Variants in SV2B observed in about 807,000 individuals in gnomAD.
SV2B encodes synaptic vesicle glycoprotein 2B.
In SV2B, 41 loss-of-function variants were observed where a neutral mutation model predicts 73.9. The ratio of observed to expected loss-of-function variants is 0.56; its 90% CI spans 0.43 to 0.72. The LOEUF is 0.72. SV2B is among the 30% of genes least tolerant of loss of function. The pLI, the probability that SV2B is intolerant of heterozygous loss-of-function variation, is 0.00. For synonymous variants in SV2B, 314 were observed against 314.2 expected (o/e 1.00, Z 0.01); for missense variants, 764 against 857.8 (o/e 0.89, Z 1.37).
intron 2 of SV2B, among the ~76,000 whole-genome samples, chr15:91,247,763 C>T (rs1371683710): frequency 6.6e-6 from 1 of 152,138 alleles, no homozygotes; most frequent in Admixed American, 6.5e-5. Context: ...TGAAGCCTCC[C>T]TCTAGCGCCC....
At chr15:91,158,477 A>G (rs17516129) in intron 1 of SV2B, among the ~76,000 whole-genome samples, 25,042 of 151,682 alleles carry the variant, frequency 0.17, 2,673 homozygotes, top group Non-Finnish European at 0.24. Context: ...GGAACAATCC[A>G]GGAAGCGGAG....
intron 2 of SV2B, among the ~76,000 whole-genome samples, chr15:91,243,512 C>T (rs2047106196): frequency 1.3e-5 from 2 of 152,144 alleles, no homozygotes; most frequent in Non-Finnish European, 2.9e-5. Flanking sequence ...AGTCAGAAAC[C>T]TCACTGTTGT....
chr15:91,167,055 C>T (rs551530331), intron 1 of SV2B, among the ~76,000 whole-genome samples: 74 of 152,222 alleles, frequency 4.9e-4, no homozygotes, highest in South Asian at 4.8e-3. Context: ...CCTCGTGATC[C>T]GCCTGCCTTG....
At chr15:91,263,484 A>G (rs1374138444) in intron 6 of SV2B, among the ~76,000 whole-genome samples, 7 of 152,094 alleles carry the variant, frequency 4.6e-5, no homozygotes. Context: ...AGGGACACAC[A>G]CACACAGATA....
intron 1 of SV2B, among the ~76,000 whole-genome samples, chr15:91,135,427 T>C (rs1567280178): frequency 6.6e-6 from 1 of 152,158 alleles, no homozygotes; most frequent in Non-Finnish European, 1.5e-5. Flanking sequence ...ACCTACATGG[T>C]GGTGAGGGGA....
intron 1 of SV2B, among the ~76,000 whole-genome samples, chr15:91,179,194 T>C (rs929668961): frequency 1.8e-4 from 27 of 152,288 alleles, no homozygotes; most frequent in Middle Eastern, 3.4e-3. Context: ...TCCATGTAGT[T>C]GAGTGGTTTT....
intron 1 of SV2B, among the ~76,000 whole-genome samples, chr15:91,172,050 A>T (rs2044140264): frequency 6.6e-6 from 1 of 152,172 alleles, no homozygotes. Context: ...GTATGTGTAC[A>T]TTTTGTCAAA....
chr15:91,201,395 A>G (rs1287354904), intron 1 of SV2B, among the ~76,000 whole-genome samples: 1 of 152,256 alleles, frequency 6.6e-6, no homozygotes, highest in Non-Finnish European at 1.5e-5. Context: ...TGTTCTCCCT[A>G]CATCACAGAT....
At chr15:91,187,356 C>A (rs1486049760) in intron 1 of SV2B, among the ~76,000 whole-genome samples, 1 of 152,192 alleles carries the variant, frequency 6.6e-6, no homozygotes, top group Admixed American at 6.5e-5. Flanking sequence ...CAGAGTCTCA[C>A]ATTTAATCGA....
intron 1 of SV2B, among the ~76,000 whole-genome samples, chr15:91,142,015 T>C (rs555274186): frequency 1.3e-5 from 2 of 152,284 alleles, no homozygotes; most frequent in South Asian, 4.1e-4. Flanking sequence ...GGAACTCATT[T>C]CAGCCTAGAT....
At chr15:91,207,736 CTG>C (rs1836187305) in intron 1 of SV2B, among the ~76,000 whole-genome samples, 1 of 152,190 alleles carries the variant, frequency 6.6e-6, no homozygotes, top group African/African-American at 2.4e-5. Context: ...ACAAGGGAAT[CTG>C]TGTATTTTTA....
chr15:91,233,444 A>T (rs1483070890), intron 2 of SV2B, among the ~76,000 whole-genome samples: 1 of 152,228 alleles, frequency 6.6e-6, no homozygotes, highest in Non-Finnish European at 1.5e-5. Context: ...GTTTCCCTTG[A>T]AAGAGATCCT....
At chr15:91,216,915 CCTTG>C (rs1304609002) in intron 1 of SV2B, among the ~76,000 whole-genome samples, 2 of 133,040 alleles carry the variant, frequency 1.5e-5, no homozygotes, top group East Asian at 4.4e-4. Context: ...TGAGACCGAG[CCTTG>C]CTCTGTTGCC....
intron 1 of SV2B, among the ~76,000 whole-genome samples, chr15:91,112,979 G>C (rs1372645265): frequency 6.6e-6 from 1 of 152,052 alleles, no homozygotes; most frequent in Non-Finnish European, 1.5e-5. Context: ...CATCATTCCT[G>C]GCTAATTTTT....
At chr15:91,206,774 T>A (rs1479768628) in intron 1 of SV2B, among the ~76,000 whole-genome samples, 8 of 152,206 alleles carry the variant, frequency 5.3e-5, no homozygotes, top group Admixed American at 3.9e-4. Flanking sequence ...TTGACTTGAT[T>A]ATATTATATG....
rs548624457 is a variant in SV2B at position 91,197,012 on chromosome 15, G to A, written c.-391-28861G>A. ...AGTTTATACCCACTTCCAGGGCCAC[G>A]GGGATTTTGCTCCTCTGTTGCTCCG... is the stretch of plus-strand genomic sequence containing the variant. On this transcript the variant is annotated intron_variant, in intron 1 of 12. Transcript: ENST00000394232. The surrounding 1 kb of genome is among the most constrained non-coding windows in gnomAD (Gnocchi z 4.9). Among the ~76,000 whole-genome samples the A allele has an allele frequency of 8.5e-4, 129 of 152,278 alleles. No individual in the cohort carries two copies. The highest frequency in any genetic ancestry group is 1.5e-3 in the Non-Finnish European group (100 of 68,018).
At chr15:91,194,296 G>A (rs1234100951) in intron 1 of SV2B, among the ~76,000 whole-genome samples, 2 of 152,100 alleles carry the variant, frequency 1.3e-5, no homozygotes, top group African/African-American at 4.8e-5. Flanking sequence ...CCCTGTAAAG[G>A]TGTGACTTTG....
chr15:91,198,685 G>A (rs554408922), intron 1 of SV2B, among the ~76,000 whole-genome samples: 1 of 152,326 alleles, frequency 6.6e-6, no homozygotes, highest in African/African-American at 2.4e-5. Context: ...AAGGGGAATG[G>A]GAGGGGTAAC....
intron 2 of SV2B, among the ~76,000 whole-genome samples, chr15:91,247,143 G>A (rs999476757): frequency 2.6e-5 from 4 of 151,878 alleles, no homozygotes; most frequent in African/African-American, 9.7e-5. Flanking sequence ...ATTCTCTCTG[G>A]TACCTCCATG....
Sources: gnomAD v4.1 joint callset for allele counts (sites outside exome capture counted in the v4.1 genomes callset) on GRCh38, gnomAD v4.1.1 for gene constraint, Gnocchi (gnomAD v3.1) non-coding constraint, MANE v1.5 for transcripts, NCBI Gene and HGNC (gene_info 2026-07-23, HGNC 2026-07-21) for gene names.